The following NPAS3 variants were observed in gnomAD, a reference collection of about 807,000 sequenced individuals.
NPAS3 encodes neuronal PAS domain-containing protein 3.
A neutral mutation model predicts 73.1 loss-of-function variants in NPAS3; 14 were observed. The ratio of observed to expected loss-of-function variants is 0.19; its 90% CI spans 0.13 to 0.30. NPAS3 has a LOEUF of 0.30. NPAS3 is among the 10% of genes least tolerant of loss of function. The pLI is 1.00. For missense variants in NPAS3, 1,096 were observed against 1,250.0 expected, an observed-to-expected ratio of 0.88 and a Z score of 1.86; for synonymous variants, 620 against 541.5, an observed-to-expected ratio of 1.14 and a Z score of -2.01.
chr14:33,680,955 T>TA (rs2059920145), intron 6 of NPAS3: 1 of 308,258 alleles, frequency 3.2e-6, no homozygotes, highest in Admixed American at 4.9e-5. Flanking sequence ...CTATTATACT[T>TA]ACGCTATGTC....
chr14:33,395,936 G>A (rs923780482), intron 4 of NPAS3, among the ~76,000 whole-genome samples: 12 of 152,084 alleles, frequency 7.9e-5, no homozygotes, highest in Admixed American at 5.2e-4. Flanking sequence ...AAGGCCCAGC[G>A]GTTCCTTCCT....
Position 33,322,389 on chromosome 14 carries a change from G to A in NPAS3, c.386-44797G>A, listed in dbSNP as rs112712310. On this transcript the variant is annotated intron_variant, in intron 3 of 11. Coordinates refer to ENST00000356141, the Ensembl canonical transcript of NPAS3. Reference sequence around the variant, plus strand: ...CTATAAACTGGCTGCCAAATTATAAGACTGGTATTCAGATCTACTTTTGCA... The same window carrying A: ...CTATAAACTGGCTGCCAAATTATAAAACTGGTATTCAGATCTACTTTTGCA... 1.9e-3 allele frequency among the ~76,000 whole-genome samples: 294 copies of A among 152,080 alleles called. 1 individual carries two copies. The highest frequency in any genetic ancestry group is 3.3e-3 in the Non-Finnish European group (223 of 68,010).
At chr14:33,386,849 CTA>C (rs542593997) in intron 4 of NPAS3, among the ~76,000 whole-genome samples, 13 of 152,242 alleles carry the variant, frequency 8.5e-5, no homozygotes, top group African/African-American at 3.1e-4. Context: ...CTGTTCATAA[CTA>C]TGTATTCCAA....
rs184138580 is a variant in NPAS3 at position 33,410,018 on chromosome 14, C to A, written c.468+42750C>A. Among the ~76,000 whole-genome samples, 898 of 152,264 alleles carry A rather than the reference C, an allele frequency of 5.9e-3. 3 individuals are homozygous for A. The highest frequency in any genetic ancestry group is 1.0e-2 in the Non-Finnish European group (678 of 68,006). ...TCTTCTGCCCTCTTTGTAGCTCTAA[C>A]ATTGGCAAGTCTCATGTTGAGTTGA... On this transcript the variant is annotated intron_variant, in intron 4 of 11. Coordinates refer to ENST00000356141, the Ensembl canonical transcript of NPAS3.
chr14:33,065,447 T>A (rs955432717), intron 2 of NPAS3, among the ~76,000 whole-genome samples: 2 of 152,150 alleles, frequency 1.3e-5, no homozygotes, highest in South Asian at 4.1e-4. Flanking sequence ...TATTGAGATG[T>A]TTAGGTCCAG....
intron 3 of NPAS3, among the ~76,000 whole-genome samples, chr14:33,338,928 ATCT>A (rs1341926289): frequency 6.6e-6 from 1 of 152,138 alleles, no homozygotes; most frequent in Non-Finnish European, 1.5e-5. Context: ...AAGCTCATAC[ATCT>A]TCTCTTATTT....
intron 4 of NPAS3, among the ~76,000 whole-genome samples, chr14:33,468,299 A>C (rs1007309770): frequency 3.9e-5 from 6 of 152,242 alleles, no homozygotes; most frequent in Non-Finnish European, 5.9e-5. Context: ...ATTAATAAAT[A>C]CATGAGTATG....
At chr14:33,796,851 G>C (rs2063526865) in intron 10 of NPAS3, among the ~76,000 whole-genome samples, 1 of 152,200 alleles carries the variant, frequency 6.6e-6, no homozygotes, top group African/African-American at 2.4e-5. Flanking sequence ...CAGATTTCCA[G>C]CTAACAAGCC....
At chr14:33,251,139 T>C (rs763110554) in intron 3 of NPAS3, among the ~76,000 whole-genome samples, 1 of 152,156 alleles carries the variant, frequency 6.6e-6, no homozygotes, top group Non-Finnish European at 1.5e-5. Context: ...TACTGCATGC[T>C]GCCTTTTGTC....
chr14:33,147,344 T>G (rs538687975), intron 2 of NPAS3, among the ~76,000 whole-genome samples: 1 of 152,218 alleles, frequency 6.6e-6, no homozygotes, highest in African/African-American at 2.4e-5. Flanking sequence ...TTTCCCCATA[T>G]GCAAAATGTG....
intron 4 of NPAS3, among the ~76,000 whole-genome samples, chr14:33,415,272 C>A (rs1270759278): frequency 6.6e-6 from 1 of 152,102 alleles, no homozygotes; most frequent in Admixed American, 6.6e-5. Flanking sequence ...AGTATTATAA[C>A]AAGAATAAAA....
chr14:33,609,383 C>A (rs139919322), intron 5 of NPAS3, among the ~76,000 whole-genome samples: 106 of 152,252 alleles, frequency 7.0e-4, no homozygotes, highest in African/African-American at 2.4e-3. Context: ...ATGCTTGCTG[C>A]TGCTTTTCAT....
At chr14:33,371,845 A>C (rs566273465) in intron 4 of NPAS3, among the ~76,000 whole-genome samples, 1 of 152,162 alleles carries the variant, frequency 6.6e-6, no homozygotes, top group Non-Finnish European at 1.5e-5. Flanking sequence ...TTATATCATC[A>C]TCGAGTACCC....
rs754853055 is a variant in NPAS3 at position 33,447,750 on chromosome 14, C to T, written c.468+80482C>T. On this transcript the variant is annotated intron_variant, in intron 4 of 11. Transcript: ENST00000356141. ...GCAACACAGTGAGATCTTGTCTCTACAAAATATAAAGAAAATTAGCCAGGC... is the reference window on the plus strand; with the variant it reads ...GCAACACAGTGAGATCTTGTCTCTATAAAATATAAAGAAAATTAGCCAGGC... Among the ~76,000 whole-genome samples the T allele has an allele frequency of 9.2e-4, 139 of 151,912 alleles. 1 individual carries two copies. The highest frequency in any genetic ancestry group is 1.6e-3 in the Non-Finnish European group (109 of 67,960).
intron 1 of NPAS3, among the ~76,000 whole-genome samples, chr14:33,027,589 C>T (rs2039851940): frequency 1.3e-5 from 2 of 152,072 alleles, no homozygotes; most frequent in South Asian, 4.1e-4. Context: ...GCTTGGAGAT[C>T]CCATTTTATT....
intron 1 of NPAS3, among the ~76,000 whole-genome samples, chr14:32,984,941 C>T (rs982764608): frequency 2.6e-5 from 4 of 152,298 alleles, no homozygotes; most frequent in Non-Finnish European, 5.9e-5. Context: ...AGGACAATTG[C>T]ATCAGTGGGG....
intron 4 of NPAS3, among the ~76,000 whole-genome samples, chr14:33,388,727 C>T (rs2046877818): frequency 6.6e-6 from 1 of 151,724 alleles, no homozygotes; most frequent in Non-Finnish European, 1.5e-5. Flanking sequence ...CTTAGAAAAG[C>T]TAAGGAACTT....
chr14:33,560,789 A>G (rs555353795), intron 5 of NPAS3, among the ~76,000 whole-genome samples: 1 of 152,228 alleles, frequency 6.6e-6, no homozygotes, highest in African/African-American at 2.4e-5. Flanking sequence ...TTCGGAGGGG[A>G]AAAGAAAAGA....
At chr14:33,175,785 G>A (rs149477205) in intron 2 of NPAS3, among the ~76,000 whole-genome samples, 1 of 151,772 alleles carries the variant, frequency 6.6e-6, no homozygotes, top group African/African-American at 2.4e-5. Flanking sequence ...AAAATCATTA[G>A]CAACAAACCA....
Sources: gnomAD v4.1 joint callset for allele counts (sites outside exome capture counted in the v4.1 genomes callset) on GRCh38, gnomAD v4.1.1 for gene constraint, MANE v1.5 for transcripts, NCBI Gene and HGNC (gene_info 2026-07-23, HGNC 2026-07-21) for gene names.